Variants in TYW1 observed in about 807,000 individuals in gnomAD.
TYW1 encodes S-adenosyl-L-methionine-dependent tRNA 4-demethylwyosine synthase TYW1.
In TYW1, 46 loss-of-function variants were observed where a neutral mutation model predicts 96.2. The observed-to-expected ratio is 0.48, with a 90% CI of 0.38 to 0.61. The LOEUF (loss-of-function observed/expected upper bound fraction) is 0.61. Among genes scored for constraint, TYW1 ranks in the 20% least tolerant of loss-of-function variants. The pLI, the probability that TYW1 is intolerant of heterozygous loss-of-function variation, is 0.00. For missense variants in TYW1, 684 were observed against 909.6 expected (o/e 0.75, Z 3.19); for synonymous variants, 274 against 323.0 (o/e 0.85, Z 1.63).
At chr7:67,140,776 G>A (rs572693963) in intron 13 of TYW1, among the ~76,000 whole-genome samples, 1 of 152,248 alleles carries the variant, frequency 6.6e-6, no homozygotes, top group South Asian at 2.1e-4. Flanking sequence ...ATACATTCAT[G>A]TGAAGAAAAA....
Position 67,095,013 on chromosome 7 carries a change from T to C in TYW1, c.1385-3528T>C, listed in dbSNP as rs1271047701. Among the ~76,000 whole-genome samples the C allele has an allele frequency of 2.0e-5, 3 of 151,836 alleles. No homozygotes were observed. In the East Asian group the frequency reaches 5.8e-4, roughly 30 times the overall value. On this transcript the variant is annotated intron_variant, in intron 11 of 15. Transcript: ENST00000359626. ...TGTATAAACTGCATGATTTTTTTTT[T>C]TTCCAGACAGGGTCTTGTCCTGTTG...
intron 15 of TYW1, among the ~76,000 whole-genome samples, chr7:67,201,180 C>T (rs184687003): frequency 4.7e-4 from 70 of 150,022 alleles, no homozygotes; most frequent in Non-Finnish European, 8.8e-4. Flanking sequence ...AACACTGTTG[C>T]GATAGCCAGC....
intron 6 of TYW1, among the ~76,000 whole-genome samples, chr7:67,018,605 CAG>C (rs531369682): frequency 7.3e-5 from 11 of 150,268 alleles, no homozygotes; most frequent in Admixed American, 6.6e-5. Flanking sequence ...GGTGGTGTTT[CAG>C]AGAGAGAGAG....
chr7:67,142,639 C>T (rs1351690388), intron 13 of TYW1, among the ~76,000 whole-genome samples: 2 of 151,762 alleles, frequency 1.3e-5, no homozygotes, highest in Non-Finnish European at 2.9e-5. Flanking sequence ...GCCATGTTGG[C>T]CAGGCTAGTC....
chr7:67,014,405 A>T lies in TYW1; in HGVS notation c.414A>T (p.Thr138=). The change falls in exon 5 of 16, where the codon ACA becomes ACT. Residue 138 remains threonine (T), a synonymous_variant. Transcript: ENST00000359626. ...SKNVCVFLVA[T]YTDGLPTESA... ...ATGTCTGTGTCTTCCTGGTTGCGACATACACTGACGGCCTACCAACTGAAA... is the reference window on the plus strand; with the variant it reads ...ATGTCTGTGTCTTCCTGGTTGCGACTTACACTGACGGCCTACCAACTGAAA... 1.2e-6 allele frequency: 2 copies of T among 1,613,552 alleles called. No homozygotes were observed. The highest frequency in any genetic ancestry group is 1.7e-6 in the Non-Finnish European group (2 of 1,179,706).
At chr7:67,204,738 C>T (rs1271535842) in intron 15 of TYW1, among the ~76,000 whole-genome samples, 9 of 151,928 alleles carry the variant, frequency 5.9e-5, no homozygotes, top group South Asian at 2.1e-4. Flanking sequence ...GGATTACAGG[C>T]GTGTACCACC....
chr7:67,219,781 T>C (rs1801320073), intron 15 of TYW1, among the ~76,000 whole-genome samples: 1 of 151,790 alleles, frequency 6.6e-6, no homozygotes, highest in Non-Finnish European at 1.5e-5. Context: ...TTTTAAAAAT[T>C]CATCCAGCTA....
At chr7:67,212,390 C>T (rs1300475278) in intron 15 of TYW1, among the ~76,000 whole-genome samples, 1 of 151,000 alleles carries the variant, frequency 6.6e-6, no homozygotes, top group East Asian at 1.9e-4. Context: ...TTGGTTTATT[C>T]ATTCACCTAT....
intron 12 of TYW1, among the ~76,000 whole-genome samples, chr7:67,107,180 A>C (rs1797269984): frequency 6.6e-6 from 1 of 152,226 alleles, no homozygotes; most frequent in South Asian, 2.1e-4. Flanking sequence ...ATGGTTCCAG[A>C]AAACAGCTAC....
chr7:67,155,515 G>T (rs7350000), intron 13 of TYW1, among the ~76,000 whole-genome samples: 39,347 of 151,770 alleles, frequency 0.26, 5,591 homozygotes, highest in African/African-American at 0.38. Flanking sequence ...AACTGTGAGC[G>T]AATTAAACCT....
At chr7:66,997,602 T>C (rs1344084523) in intron 1 of TYW1, among the ~76,000 whole-genome samples, 2 of 152,148 alleles carry the variant, frequency 1.3e-5, no homozygotes, top group African/African-American at 4.8e-5. Context: ...CGTTACTACA[T>C]AGTGTGTTAT....
rs560387673 is a variant in TYW1, at chr7:67,013,182, G to T, written c.376-1185G>T. ...CCAGGCTGGAGTGCAGTGTGCAGGG[G>T]TGTGATGGTGGCCCACTGCAGCCTC... On this transcript the variant is annotated intron_variant, in intron 4 of 15. Coordinates refer to ENST00000359626, the MANE Select transcript of TYW1 (RefSeq NM_018264.4). Among the ~76,000 whole-genome samples the T allele has an allele frequency of 4.6e-5, 7 of 151,474 alleles. No homozygotes were observed. The South Asian group carries it at 1.5e-3, about 32-fold the overall frequency.
chr7:67,214,123 T>A (rs1168917755), intron 15 of TYW1, among the ~76,000 whole-genome samples: 1 of 152,164 alleles, frequency 6.6e-6, no homozygotes, highest in African/African-American at 2.4e-5. Flanking sequence ...CTATATTGAG[T>A]CTTCTAATCC....
chr7:67,138,574 A>AT (rs1159230763), intron 13 of TYW1, among the ~76,000 whole-genome samples: 1 of 151,836 alleles, frequency 6.6e-6, no homozygotes, highest in African/African-American at 2.4e-5. Context: ...GGTCTTATTC[A>AT]TTTTTTCTAT....
chr7:67,115,568 A>G (rs3807369), intron 12 of TYW1, among the ~76,000 whole-genome samples: 1 of 152,024 alleles, frequency 6.6e-6, no homozygotes, highest in African/African-American at 2.4e-5. Flanking sequence ...TTTTCTATAT[A>G]TCACTAAGCC....
chr7:67,120,006 A>G (rs1023489571), intron 13 of TYW1, among the ~76,000 whole-genome samples: 19 of 152,060 alleles, frequency 1.2e-4, no homozygotes, highest in African/African-American at 3.4e-4. Context: ...GCCTCAGGCA[A>G]TCTTCCTGCC....
intron 12 of TYW1, among the ~76,000 whole-genome samples, chr7:67,106,340 A>G (rs1797243518): frequency 2.0e-5 from 3 of 152,200 alleles, no homozygotes; most frequent in Admixed American, 2.0e-4. Flanking sequence ...GTTCCAGAAC[A>G]CTGTACCATC....
At chr7:67,124,402 A>T (rs1432562361) in intron 13 of TYW1, among the ~76,000 whole-genome samples, 2 of 151,658 alleles carry the variant, frequency 1.3e-5, no homozygotes, top group African/African-American at 4.9e-5. Context: ...CTGGCTAAAA[A>T]TATTTTTTTT....
intron 10 of TYW1, among the ~76,000 whole-genome samples, chr7:67,069,835 T>A (rs891199419): frequency 6.6e-6 from 1 of 152,234 alleles, no homozygotes; most frequent in Admixed American, 6.5e-5. Context: ...TATGTTGTTC[T>A]TTGTATATTT....
Sources: gnomAD v4.1 joint callset for allele counts (sites outside exome capture counted in the v4.1 genomes callset) on GRCh38, gnomAD v4.1.1 for gene constraint, MANE v1.5 for transcripts, NCBI Gene and HGNC (gene_info 2026-07-23, HGNC 2026-07-21) for gene names.